Variants in DACH2 observed in about 807,000 individuals in gnomAD.
DACH2 encodes dachshund homolog 2.
Under a neutral mutation model 35.8 loss-of-function variants are expected in DACH2, and 17 were observed. The ratio of observed to expected loss-of-function variants is 0.48; its 90% confidence interval spans 0.33 to 0.71. The LOEUF (loss-of-function observed/expected upper bound fraction) is 0.71, where lower values mean the gene tolerates loss of function less well. DACH2 is among the 30% of genes least tolerant of loss of function. The pLI, the probability that DACH2 is intolerant of heterozygous loss-of-function variation, is 0.02. For missense variants in DACH2, 469 were observed against 472.7 expected, an observed-to-expected ratio of 0.99 and a Z score of 0.07; for synonymous variants, 195 against 177.3, an observed-to-expected ratio of 1.10 and a Z score of -0.79.
chrX:86,181,004 A>G (rs780293693), intron 1 of DACH2, among the ~76,000 whole-genome samples: 1 of 110,519 alleles, frequency 9.0e-6, no homozygotes, highest in Non-Finnish European at 1.9e-5. Context: ...AACTTATTCC[A>G]TTGCTACCTC....
At chrX:86,785,525 G>T (rs2042128486) in intron 7 of DACH2, among the ~76,000 whole-genome samples, 1 of 111,251 alleles carries the variant, frequency 9.0e-6, no homozygotes, top group Admixed American at 9.6e-5. Flanking sequence ...ATGAATAACT[G>T]GCCACCTTTA....
chrX:86,217,889 T>C (rs763512318), intron 1 of DACH2, among the ~76,000 whole-genome samples: 5 of 111,774 alleles, frequency 4.5e-5, no homozygotes, highest in Non-Finnish European at 9.4e-5. Flanking sequence ...ACAAATGTAA[T>C]GTAATGAAAA....
At chrX:86,592,534 G>T (rs1482757893) in intron 3 of DACH2, among the ~76,000 whole-genome samples, 1 of 111,828 alleles carries the variant, frequency 8.9e-6, no homozygotes, top group Non-Finnish European at 1.9e-5. Context: ...ATAAACGTTA[G>T]AATGAGTTTA....
intron 2 of DACH2, among the ~76,000 whole-genome samples, chrX:86,420,143 A>C (rs2036777961): frequency 8.9e-6 from 1 of 111,997 alleles, no homozygotes; most frequent in Non-Finnish European, 1.9e-5. Flanking sequence ...AAAAACAGTT[A>C]AGGAATAAAG....
intron 1 of DACH2, among the ~76,000 whole-genome samples, chrX:86,286,039 T>G (rs1307963864): frequency 2.7e-5 from 3 of 110,399 alleles, no homozygotes; most frequent in African/African-American, 9.9e-5. Flanking sequence ...AGTCTATATG[T>G]GTCTTTATAG....
rs757107685 is a variant in DACH2 at position 86,171,754 on chromosome X, G to T, written c.488+22646G>T. Among the ~76,000 whole-genome samples the T allele has an allele frequency of 6.5e-4, 73 of 111,619 alleles. 1 individual carries two copies. The highest frequency in any genetic ancestry group is 1.3e-3 in the Non-Finnish European group (67 of 53,096). On this transcript the variant is annotated intron_variant, in intron 1 of 11. Transcript: ENST00000373125. ...GGGAAGGGTAGCATTAGCAATTCAG[G>T]ACTTTTTTCTATCTCTTCGGTGTCT...
At chrX:86,792,637 G>C (rs1287793316) in intron 7 of DACH2, among the ~76,000 whole-genome samples, 1 of 111,323 alleles carries the variant, frequency 9.0e-6, no homozygotes, top group Non-Finnish European at 1.9e-5. Flanking sequence ...TTGTATTTCA[G>C]TACCTAGCTT....
chrX:86,335,838 G>A (rs1365177139), intron 1 of DACH2, among the ~76,000 whole-genome samples: 3 of 111,587 alleles, frequency 2.7e-5, no homozygotes, highest in African/African-American at 9.8e-5. Context: ...GTTGTCATAG[G>A]GCATGCTTCC....
At chrX:86,669,535 G>A (rs1450624135) in intron 4 of DACH2, among the ~76,000 whole-genome samples, 2 of 111,412 alleles carry the variant, frequency 1.8e-5, no homozygotes, top group African/African-American at 3.3e-5. Flanking sequence ...CAAGTAGAGC[G>A]AGTAGTGTCA....
chrX:86,463,492 A>G, intron 2 of DACH2, among the ~76,000 whole-genome samples: 1 of 110,300 alleles, frequency 9.1e-6, no homozygotes, highest in Non-Finnish European at 1.9e-5. Flanking sequence ...CTGAAACTGG[A>G]CCCCTTCCTT....
intron 7 of DACH2, among the ~76,000 whole-genome samples, chrX:86,792,224 A>T (rs749834609): frequency 7.2e-5 from 8 of 111,544 alleles, no homozygotes; most frequent in Non-Finnish European, 1.3e-4. Flanking sequence ...AAACAATTGG[A>T]AACTGCCAGT....
intron 3 of DACH2, among the ~76,000 whole-genome samples, chrX:86,543,254 T>C (rs2038911113): frequency 9.0e-6 from 1 of 111,701 alleles, no homozygotes; most frequent in Non-Finnish European, 1.9e-5. Context: ...AAGGAAATGA[T>C]ACTAGTCGAC....
intron 1 of DACH2, among the ~76,000 whole-genome samples, chrX:86,271,821 T>C (rs2147972834): frequency 8.9e-6 from 1 of 112,013 alleles, no homozygotes; most frequent in East Asian, 2.8e-4. Context: ...TAATGCCTAC[T>C]ACACTAAATG....
chrX:86,620,220 T>TAA (rs1448399633), intron 3 of DACH2, among the ~76,000 whole-genome samples: 1 of 111,925 alleles, frequency 8.9e-6, no homozygotes, highest in Non-Finnish European at 1.9e-5. Context: ...TAGTCCTTTA[T>TAA]GGCCATAACT....
intron 1 of DACH2, among the ~76,000 whole-genome samples, chrX:86,250,293 G>A (rs900511302): frequency 1.6e-4 from 18 of 111,621 alleles, no homozygotes; most frequent in African/African-American, 5.8e-4. Flanking sequence ...TAATTGGGAA[G>A]ATTTGAGATT....
At chrX:86,829,395 G>A (rs1051272237) in intron 11 of DACH2, 1 of 112,275 alleles carries the variant, frequency 8.9e-6, no homozygotes, top group Non-Finnish European at 1.9e-5. Context: ...TCCAAATTAA[G>A]TTACTTCAAA....
At chrX:86,283,080 A>G (rs2034067710) in intron 1 of DACH2, among the ~76,000 whole-genome samples, 1 of 85,478 alleles carries the variant, frequency 1.2e-5, no homozygotes, top group African/African-American at 4.8e-5. Context: ...GCCCGGCCCG[A>G]CACTTCTTAA....
intron 1 of DACH2, among the ~76,000 whole-genome samples, chrX:86,339,831 C>T (rs1421766574): frequency 8.9e-6 from 1 of 112,006 alleles, no homozygotes; most frequent in East Asian, 2.8e-4. Context: ...TGCATATCCA[C>T]TATAAATTCA....
chrX:86,149,199 A>G, intron 1 of DACH2, 91 bp downstream of exon 1: 1 of 1,020,687 alleles, frequency 9.8e-7, no homozygotes, highest in Admixed American at 3.5e-5. Flanking sequence ...TTGTTTGTAG[A>G]GTGAGTCTTA....
Sources: gnomAD v4.1 joint callset for allele counts (sites outside exome capture counted in the v4.1 genomes callset) on GRCh38, gnomAD v4.1.1 for gene constraint, MANE v1.5 for transcripts, NCBI Gene and HGNC (gene_info 2026-07-23, HGNC 2026-07-21) for gene names.